STXBP6: variants seen among roughly 807,000 people sequenced by gnomAD.
The protein encoded by STXBP6 is syntaxin binding protein 6, also known as syntaxin-binding protein 6.
In STXBP6, 21 loss-of-function variants were observed where a neutral mutation model predicts 26.9. That is an observed-to-expected ratio of 0.78 (90% confidence interval 0.55 to 1.12). The LOEUF (loss-of-function observed/expected upper bound fraction) is 1.12, where lower values mean the gene tolerates loss of function less well. STXBP6 is among the 50% of genes most tolerant of loss of function. The pLI is 0.00. For synonymous variants in STXBP6, 97 were observed against 92.6 expected, an observed-to-expected ratio of 1.05 and a Z score of -0.27; for missense variants, 232 against 257.9, an observed-to-expected ratio of 0.90 and a Z score of 0.69.
At chr14:24,985,819 A>G (rs1048885027) in intron 1 of STXBP6, among the ~76,000 whole-genome samples, 3 of 152,224 alleles carry the variant, frequency 2.0e-5, no homozygotes, top group African/African-American at 7.2e-5. Flanking sequence ...GGCATTCTTA[A>G]GCTTAAAAGT....
At chr14:24,859,771 T>C (rs1432175125) in intron 2 of STXBP6, among the ~76,000 whole-genome samples, 2 of 152,196 alleles carry the variant, frequency 1.3e-5, no homozygotes. Context: ...ATTTCCGTTA[T>C]GGCTTCAACA....
intron 1 of STXBP6, among the ~76,000 whole-genome samples, chr14:24,991,836 T>C (rs2074482558): frequency 6.6e-6 from 1 of 152,206 alleles, no homozygotes; most frequent in South Asian, 2.1e-4. Context: ...ACACAGGAAT[T>C]CTGACTAGAG....
intron 2 of STXBP6, among the ~76,000 whole-genome samples, chr14:24,896,234 A>G (rs1192555040): frequency 6.6e-6 from 1 of 152,100 alleles, no homozygotes; most frequent in East Asian, 1.9e-4. Context: ...CCATTTTTGC[A>G]CTGGCTGTGG....
chr14:24,884,987 C>G (rs868811497), intron 2 of STXBP6, among the ~76,000 whole-genome samples: 11 of 152,302 alleles, frequency 7.2e-5, no homozygotes, highest in Middle Eastern at 3.4e-3. Flanking sequence ...GACTGCTTTT[C>G]TAGCTTTTCC....
chr14:24,899,816 A>G (rs1301476984), intron 2 of STXBP6, among the ~76,000 whole-genome samples: 1 of 136,748 alleles, frequency 7.3e-6, no homozygotes, highest in Non-Finnish European at 1.6e-5. Context: ...AAAAAAAAAA[A>G]GAGTAACTTA....
Position 24,974,663 on chromosome 14 carries a change from AC to A in STXBP6, c.154+1del. 1 of 1,547,566 alleles carries A rather than the reference AC, an allele frequency of 6.5e-7. No individual in the cohort carries two copies. The highest frequency in any genetic ancestry group is 8.7e-7 in the Non-Finnish European group (1 of 1,144,942). On this transcript the variant is annotated splice_donor_variant, in intron 2 of 5. Transcript: ENST00000323944. LOFTEE classifies it high-confidence loss of function. ...ATAATATTAATATCTGGTTCTCATT[AC>A]CTGACAGGCAGATATAAGTTAAATA...
chr14:24,880,754 A>G lies in STXBP6; in HGVS notation c.155-23597T>C, dbSNP rs74037678. On this transcript the variant is annotated intron_variant, in intron 2 of 5. Transcript: ENST00000323944. ...TATGGATCAATGATGAGAACATGTC[A>G]TGAACTGATGATTATGATGGATCGA... 6.3e-3 allele frequency among the ~76,000 whole-genome samples: 965 copies of G among 152,316 alleles called. 8 individuals are homozygous for G. Among genetic ancestry groups the G allele is most frequent in the African/African-American group, 0.021 (882 of 41,558 alleles).
chr14:24,915,458 C>T (rs1344478621), intron 2 of STXBP6, among the ~76,000 whole-genome samples: 1 of 151,990 alleles, frequency 6.6e-6, no homozygotes, highest in Non-Finnish European at 1.5e-5. Context: ...TGTATTTCAC[C>T]CTAAACCAAC....
intron 2 of STXBP6, among the ~76,000 whole-genome samples, chr14:24,966,096 T>C (rs780390840): frequency 2.0e-5 from 3 of 152,144 alleles, no homozygotes; most frequent in Non-Finnish European, 1.5e-5. Context: ...TTCTTAACAG[T>C]GGGCTGTGTG....
intron 1 of STXBP6, among the ~76,000 whole-genome samples, chr14:25,001,606 T>C (rs1485243651): frequency 6.6e-6 from 1 of 152,256 alleles, no homozygotes; most frequent in Non-Finnish European, 1.5e-5. Flanking sequence ...TCTCTGCTTA[T>C]ATTACCCATC....
chr14:24,895,496 G>A (rs76517716), intron 2 of STXBP6, among the ~76,000 whole-genome samples: 3,556 of 152,296 alleles, frequency 0.023, 66 homozygotes, highest in Non-Finnish European at 0.035. Context: ...AAGAGCTCCC[G>A]TAGCACTCAG....
At chr14:24,885,925 A>G (rs996948440) in intron 2 of STXBP6, among the ~76,000 whole-genome samples, 5 of 152,206 alleles carry the variant, frequency 3.3e-5, no homozygotes, top group African/African-American at 9.6e-5. Context: ...CAGAAAATAA[A>G]TCTGGTTTGC....
At chr14:24,915,005 A>C (rs2071709274) in intron 2 of STXBP6, among the ~76,000 whole-genome samples, 2 of 152,210 alleles carry the variant, frequency 1.3e-5, no homozygotes, top group African/African-American at 4.8e-5. Context: ...ATTTATCAAA[A>C]AGTTTGGTTC....
At chr14:24,842,761 T>C (rs2068823417) in intron 4 of STXBP6, among the ~76,000 whole-genome samples, 1 of 152,120 alleles carries the variant, frequency 6.6e-6, no homozygotes, top group African/African-American at 2.4e-5. Flanking sequence ...CCCCAAATGA[T>C]AAATTTTAAT....
At chr14:24,879,430 A>G (rs2070270915) in intron 2 of STXBP6, among the ~76,000 whole-genome samples, 1 of 152,206 alleles carries the variant, frequency 6.6e-6, no homozygotes, top group Admixed American at 6.5e-5. Context: ...GTATCAAGAT[A>G]TTATTGATCG....
chr14:25,028,105 C>T (rs1391725898), intron 1 of STXBP6, among the ~76,000 whole-genome samples: 1 of 152,190 alleles, frequency 6.6e-6, no homozygotes, highest in African/African-American at 2.4e-5. Flanking sequence ...GAAGCTGCAG[C>T]AAGTTATGCG....
At chr14:24,838,830 A>C (rs938893567) in intron 4 of STXBP6, among the ~76,000 whole-genome samples, 1 of 152,200 alleles carries the variant, frequency 6.6e-6, no homozygotes, top group Non-Finnish European at 1.5e-5. Context: ...ATTCATAGAC[A>C]ACTCAACTGC....
intron 2 of STXBP6, among the ~76,000 whole-genome samples, chr14:24,938,183 C>T (rs192744032): frequency 1.3e-5 from 2 of 152,262 alleles, no homozygotes; most frequent in African/African-American, 2.4e-5. Flanking sequence ...GGCACTCCCA[C>T]CACTTTTTTT....
chr14:24,980,870 C>T (rs755414500), intron 1 of STXBP6, among the ~76,000 whole-genome samples: 1 of 152,182 alleles, frequency 6.6e-6, no homozygotes, highest in Non-Finnish European at 1.5e-5. Context: ...AAAAAAATAT[C>T]TTAAAGTAGA....
Sources: allele counts gnomAD v4.1 joint callset (sites outside exome capture counted in the v4.1 genomes callset), GRCh38; gene constraint gnomAD v4.1.1; transcripts MANE v1.5; gene names NCBI Gene and HGNC (gene_info 2026-07-23, HGNC 2026-07-21).